COX7B2: variants seen among roughly 807,000 people sequenced by gnomAD.
COX7B2 encodes cytochrome c oxidase subunit 7B2, also known as cytochrome c oxidase subunit 7B2, mitochondrial.
For missense variants in COX7B2, 109 were observed against 95.9 expected (o/e 1.14, Z -0.57); for synonymous variants, 37 against 32.1 (o/e 1.15, Z -0.51).
intron 2 of COX7B2, among the ~76,000 whole-genome samples, chr4:46,773,361 C>T (rs1457165161): frequency 6.6e-6 from 1 of 152,048 alleles, no homozygotes; most frequent in African/African-American, 2.4e-5. Flanking sequence ...GGGCTTTTCC[C>T]CCTTTGCACA....
At chr4:46,853,975 A>C (rs1017487953) in intron 1 of COX7B2, among the ~76,000 whole-genome samples, 1 of 152,156 alleles carries the variant, frequency 6.6e-6, no homozygotes, top group Non-Finnish European at 1.5e-5. Context: ...TTACTTGTGG[A>C]TAATTCAAGT....
intron 1 of COX7B2, among the ~76,000 whole-genome samples, chr4:46,898,053 C>A (rs929253424): frequency 6.6e-6 from 1 of 152,168 alleles, no homozygotes; most frequent in Non-Finnish European, 1.5e-5. Flanking sequence ...ATTCTCATGA[C>A]TGCTGTCACC....
chr4:46,798,531 T>G (rs1412263907), intron 2 of COX7B2, among the ~76,000 whole-genome samples: 2 of 152,116 alleles, frequency 1.3e-5, no homozygotes, highest in Non-Finnish European at 2.9e-5. Context: ...GGCAAACCCA[T>G]GTGGGTGAAT....
chr4:46,824,872 G>A (rs1040459317), intron 2 of COX7B2, among the ~76,000 whole-genome samples: 1 of 151,792 alleles, frequency 6.6e-6, no homozygotes, highest in African/African-American at 2.4e-5. Flanking sequence ...GGTATAGAAG[G>A]AACATACCTA....
intron 1 of COX7B2, among the ~76,000 whole-genome samples, chr4:46,874,293 A>G (rs961332602): frequency 3.3e-5 from 5 of 152,212 alleles, no homozygotes; most frequent in East Asian, 3.8e-4. Flanking sequence ...GCTTAAATTC[A>G]TGTTATTTTT....
intron 2 of COX7B2, among the ~76,000 whole-genome samples, chr4:46,768,435 G>T (rs1716675469): frequency 6.6e-6 from 1 of 152,140 alleles, no homozygotes; most frequent in South Asian, 2.1e-4. Flanking sequence ...TCTGCCACTG[G>T]AGTTTGGGGT....
intron 1 of COX7B2, among the ~76,000 whole-genome samples, chr4:46,852,971 A>G (rs1279627366): frequency 1.3e-5 from 2 of 152,194 alleles, no homozygotes; most frequent in East Asian, 3.9e-4. Context: ...GAACATATGT[A>G]TGTTAGATAA....
intron 2 of COX7B2, among the ~76,000 whole-genome samples, chr4:46,789,058 C>T (rs954445317): frequency 2.0e-5 from 3 of 152,120 alleles, no homozygotes; most frequent in African/African-American, 7.2e-5. Context: ...ACTTCACAAA[C>T]ATGGGCAATT....
intron 2 of COX7B2, among the ~76,000 whole-genome samples, chr4:46,783,429 C>A (rs191276800): frequency 2.3e-4 from 35 of 152,312 alleles, no homozygotes; most frequent in Admixed American, 2.1e-3. Context: ...ACTAGACAGT[C>A]ACATTACTAG....
At chr4:46,780,294 G>A (rs1280165636) in intron 2 of COX7B2, among the ~76,000 whole-genome samples, 2 of 152,114 alleles carry the variant, frequency 1.3e-5, no homozygotes, top group Non-Finnish European at 2.9e-5. Context: ...GAAGCAGGTG[G>A]ATCAGAAGGT....
intron 1 of COX7B2, among the ~76,000 whole-genome samples, chr4:46,897,925 A>C (rs1300094055): frequency 6.6e-6 from 1 of 152,182 alleles, no homozygotes; most frequent in African/African-American, 2.4e-5. Context: ...TAATTTCCTC[A>C]GCTTCCCTAA....
intron 2 of COX7B2, among the ~76,000 whole-genome samples, chr4:46,841,294 A>G (rs1372216193): frequency 6.6e-6 from 1 of 151,638 alleles, no homozygotes; most frequent in African/African-American, 2.4e-5. Flanking sequence ...GAGGTTCCAC[A>G]GACAGTAAAC....
intron 2 of COX7B2, among the ~76,000 whole-genome samples, chr4:46,736,612 T>C (rs1051772538): frequency 6.6e-6 from 1 of 152,192 alleles, no homozygotes; most frequent in African/African-American, 2.4e-5. Context: ...GTTTCACCTA[T>C]TCATCTTTCT....
At chr4:46,859,562 G>A (rs1049465722) in intron 1 of COX7B2, among the ~76,000 whole-genome samples, 1 of 152,150 alleles carries the variant, frequency 6.6e-6, no homozygotes, top group Non-Finnish European at 1.5e-5. Flanking sequence ...ATATTTATGA[G>A]ATTAATGGTA....
intron 2 of COX7B2, among the ~76,000 whole-genome samples, chr4:46,835,483 T>A (rs561083971): frequency 1.3e-5 from 2 of 151,576 alleles, no homozygotes; most frequent in African/African-American, 4.8e-5. Context: ...TGTTCGAGAA[T>A]CATGGTGGAA....
chr4:46,869,036 T>G (rs1211961456), intron 1 of COX7B2, among the ~76,000 whole-genome samples: 1 of 152,202 alleles, frequency 6.6e-6, no homozygotes, highest in African/African-American at 2.4e-5. Context: ...ACAACTTGTT[T>G]TATGAATCTG....
intron 1 of COX7B2, among the ~76,000 whole-genome samples, chr4:46,904,671 A>G (rs773875935): frequency 2.0e-5 from 3 of 152,198 alleles, no homozygotes; most frequent in Admixed American, 6.5e-5. Flanking sequence ...TGATACAGCA[A>G]TTCTACTTTT....
chr4:46,903,564 C>T (rs1166443476), intron 1 of COX7B2, among the ~76,000 whole-genome samples: 1 of 152,106 alleles, frequency 6.6e-6, no homozygotes, highest in African/African-American at 2.4e-5. Context: ...ACTCACTACT[C>T]ACTCACTGCC....
chr4:46,750,699 C>T (rs986377762), intron 2 of COX7B2, among the ~76,000 whole-genome samples: 1 of 152,142 alleles, frequency 6.6e-6, no homozygotes, highest in Admixed American at 6.6e-5. Flanking sequence ...AACAAAAATA[C>T]ATTTTCTCAA....
Sources: gnomAD v4.1 joint callset for allele counts (sites outside exome capture counted in the v4.1 genomes callset) on GRCh38, gnomAD v4.1.1 for gene constraint, MANE v1.5 for transcripts, NCBI Gene and HGNC (gene_info 2026-07-23, HGNC 2026-07-21) for gene names.